IPCEF1: variants seen among roughly 807,000 people sequenced by gnomAD.
IPCEF1 encodes interactor protein for cytohesin exchange factors 1.
IPCEF1 carries 31 observed loss-of-function variants against 50.9 expected under a neutral mutation model. That is an observed-to-expected ratio of 0.61 (90% confidence interval 0.46 to 0.82). The LOEUF is 0.82. Among genes scored for constraint, IPCEF1 ranks in the 40% least tolerant of loss-of-function variants. The probability of loss-of-function intolerance (pLI) is 0.00; values close to 1 mark genes in which losing one functional copy is unlikely to be tolerated. For synonymous variants in IPCEF1, 181 were observed against 192.0 expected (o/e 0.94, Z 0.47); for missense variants, 458 against 514.0 (o/e 0.89, Z 1.05).
intron 1 of IPCEF1, among the ~76,000 whole-genome samples, chr6:154,353,084 C>T (rs771482832): frequency 2.0e-5 from 3 of 152,124 alleles, no homozygotes; most frequent in South Asian, 2.1e-4. Flanking sequence ...TTTCTCACTT[C>T]AGAGTTGACA....
intron 3 of IPCEF1, among the ~76,000 whole-genome samples, chr6:154,262,881 A>T (rs1388015586): frequency 6.8e-6 from 1 of 147,184 alleles, no homozygotes; most frequent in African/African-American, 2.5e-5. Flanking sequence ...GGTTCAAGCA[A>T]TTCCCCTGCC....
At chr6:154,160,876 G>C (rs1798953839) in intron 11 of IPCEF1, among the ~76,000 whole-genome samples, 1 of 152,148 alleles carries the variant, frequency 6.6e-6, no homozygotes, top group Non-Finnish European at 1.5e-5. Flanking sequence ...AGCCTCCTGA[G>C]CGAGACCACT....
intron 1 of IPCEF1, among the ~76,000 whole-genome samples, chr6:154,355,331 A>G (rs529963315): frequency 6.6e-6 from 1 of 152,302 alleles, no homozygotes; most frequent in African/African-American, 2.4e-5. Context: ...CAGAAAAGAC[A>G]CTTGATTTAT....
intron 5 of IPCEF1, among the ~76,000 whole-genome samples, chr6:154,236,398 G>T (rs1321230680): frequency 6.6e-6 from 1 of 152,122 alleles, no homozygotes; most frequent in Non-Finnish European, 1.5e-5. Context: ...GGGAGGAGAA[G>T]GAATGGAGAC....
In IPCEF1 at chr6:154,155,093, G is replaced by T. The variant is rs752285663; in HGVS notation, c.*4735C>A. 6.6e-6 allele frequency: 1 copy of T among 152,116 alleles called. No individual in the cohort carries two copies. Among genetic ancestry groups the T allele is most frequent in the Non-Finnish European group, 1.5e-5 (1 of 68,016 alleles). The allele number at this position is 152,116 out of a possible 1,614,324, so 9.4% of individuals were successfully genotyped here. A position where few individuals can be genotyped will look rare whatever the true frequency, so the allele number is the denominator to read the frequency against. On this transcript the variant is annotated 3_prime_UTR_variant, in exon 12 of 12. Coordinates refer to ENST00000367220, the MANE Select transcript of IPCEF1 (RefSeq NM_001130700.2). Reference sequence around the variant, plus strand: ...TGTGGTTCTGGGGTCATGTGGGAAAGAACTGAGATGTGCTGAAGAGGCAAG... The same window carrying T: ...TGTGGTTCTGGGGTCATGTGGGAAATAACTGAGATGTGCTGAAGAGGCAAG...
chr6:154,254,129 C>G (rs1781403452), intron 3 of IPCEF1, among the ~76,000 whole-genome samples: 1 of 151,882 alleles, frequency 6.6e-6, no homozygotes, highest in Non-Finnish European at 1.5e-5. Context: ...TTTCTAAATT[C>G]ATTGCATTTT....
chr6:154,210,428 GAGACAA>G (rs1777871872), intron 9 of IPCEF1, among the ~76,000 whole-genome samples: 1 of 152,164 alleles, frequency 6.6e-6, no homozygotes, highest in Non-Finnish European at 1.5e-5. Flanking sequence ...AGCAGACATA[GAGACAA>G]AGACAGAGAC....
At chr6:154,174,377 CA>C (rs1207390170) in intron 10 of IPCEF1, among the ~76,000 whole-genome samples, 4 of 152,028 alleles carry the variant, frequency 2.6e-5, no homozygotes, top group African/African-American at 9.7e-5. Flanking sequence ...CACGGACTGG[CA>C]AATTGGATAG....
chr6:154,293,745 A>G (rs1287295954), intron 1 of IPCEF1, among the ~76,000 whole-genome samples: 1 of 152,244 alleles, frequency 6.6e-6, no homozygotes, highest in East Asian at 1.9e-4. Flanking sequence ...AAAACTCTCT[A>G]CTTTAATCCC....
At chr6:154,238,940 A>G (rs1318863568) in intron 5 of IPCEF1, among the ~76,000 whole-genome samples, 2 of 152,130 alleles carry the variant, frequency 1.3e-5, no homozygotes, top group Middle Eastern at 3.4e-3. Context: ...TAAAAAAAAA[A>G]AGAAGTTGTG....
rs888446419 is a variant in IPCEF1 at position 154,237,639 on chromosome 6, C to T, written c.246+8952G>A. ...CAACATTTACTTGCAAGAAAATAGA[C>T]GCATAGACATTTGCATCACTGACTT... On this transcript the variant is annotated intron_variant, in intron 5 of 11. Transcript: ENST00000367220. 1.3e-4 allele frequency among the ~76,000 whole-genome samples: 20 copies of T among 152,200 alleles called. No homozygotes were observed. The Middle Eastern group carries it at 0.014, about 104-fold the overall frequency.
intron 10 of IPCEF1, among the ~76,000 whole-genome samples, chr6:154,176,738 T>C (rs1030187225): frequency 1.7e-4 from 26 of 152,270 alleles, no homozygotes; most frequent in African/African-American, 6.0e-4. Flanking sequence ...AAAATGGCCA[T>C]AGTGCCCAAG....
chr6:154,176,062 T>C (rs1800299919), intron 10 of IPCEF1, among the ~76,000 whole-genome samples: 1 of 152,052 alleles, frequency 6.6e-6, no homozygotes, highest in Admixed American at 6.6e-5. Context: ...ACAGAACCAA[T>C]GATAAAAACC....
At chr6:154,226,681 C>T (rs1336429733) in intron 5 of IPCEF1, among the ~76,000 whole-genome samples, 3 of 152,180 alleles carry the variant, frequency 2.0e-5, no homozygotes, top group African/African-American at 7.2e-5. Context: ...GTGTCCAAAT[C>T]ACAGTCACAG....
chr6:154,311,502 C>T (rs937713976), intron 1 of IPCEF1, among the ~76,000 whole-genome samples: 1 of 152,212 alleles, frequency 6.6e-6, no homozygotes, highest in Admixed American at 6.5e-5. Context: ...AGCTATACTT[C>T]CAGTTGACCA....
rs1457486927 is a variant in IPCEF1 at position 154,157,178 on chromosome 6, C to T, written c.*2650G>A. On this transcript the variant is annotated 3_prime_UTR_variant, in exon 12 of 12. Transcript: ENST00000367220. ...GCCAAGAGAGAGAAGCCCATGTCTTCCTACATTAAGTGTCACGGAAAGTGT... is the reference window on the plus strand; with the variant it reads ...GCCAAGAGAGAGAAGCCCATGTCTTTCTACATTAAGTGTCACGGAAAGTGT... The T allele has an allele frequency of 6.6e-6, 1 of 152,270 alleles. No individual in the cohort carries two copies. The highest frequency in any genetic ancestry group is 1.5e-5 in the Non-Finnish European group (1 of 68,070). The allele number at this position is 152,270 out of a possible 1,614,324, so 9.4% of individuals were successfully genotyped here. A position where few individuals can be genotyped will look rare whatever the true frequency, so the allele number is the denominator to read the frequency against.
At chr6:154,201,019 A>G (rs1275934854) in intron 9 of IPCEF1, among the ~76,000 whole-genome samples, 1 of 152,056 alleles carries the variant, frequency 6.6e-6, no homozygotes, top group Non-Finnish European at 1.5e-5. Context: ...AGTTCTCATG[A>G]GATCTGATAG....
At chr6:154,317,887 A>G (rs974816808) in intron 1 of IPCEF1, among the ~76,000 whole-genome samples, 3 of 152,204 alleles carry the variant, frequency 2.0e-5, no homozygotes, top group Admixed American at 6.5e-5. Flanking sequence ...AGATTTGTCT[A>G]TGAATATTCA....
intron 3 of IPCEF1, among the ~76,000 whole-genome samples, chr6:154,261,049 ATG>A (rs149058750): frequency 6.6e-6 from 1 of 151,766 alleles, no homozygotes. Context: ...GTGTGTGTGC[ATG>A]TGTGTGTGTG....
Sources: allele counts gnomAD v4.1 joint callset (sites outside exome capture counted in the v4.1 genomes callset), GRCh38; gene constraint gnomAD v4.1.1; transcripts MANE v1.5; gene names NCBI Gene and HGNC (gene_info 2026-07-23, HGNC 2026-07-21).